SMARCC1: variants seen among roughly 807,000 people sequenced by gnomAD.
The protein encoded by SMARCC1 is SWI/SNF complex subunit SMARCC1.
A neutral mutation model predicts 147.4 loss-of-function variants in SMARCC1; 43 were observed. The ratio of observed to expected loss-of-function variants is 0.29; its 90% CI spans 0.23 to 0.38. SMARCC1 has a LOEUF of 0.38. Among genes scored for constraint, SMARCC1 ranks in the 10% least tolerant of loss-of-function variants. The probability of loss-of-function intolerance (pLI) is 1.00; values close to 1 mark genes in which losing one functional copy is unlikely to be tolerated. For missense variants in SMARCC1, 1,119 were observed against 1,381.1 expected, an observed-to-expected ratio of 0.81 and a Z score of 3.01; for synonymous variants, 495 against 484.4, an observed-to-expected ratio of 1.02 and a Z score of -0.29.
chr3:47,633,315 C>G (rs2032916779), intron 24 of SMARCC1, among the ~76,000 whole-genome samples: 1 of 152,076 alleles, frequency 6.6e-6, no homozygotes, highest in Non-Finnish European at 1.5e-5. Flanking sequence ...TGATCTAAAG[C>G]ACCATGAAGA....
At chr3:47,660,500 C>A (rs1403554756) in intron 21 of SMARCC1, among the ~76,000 whole-genome samples, 2 of 125,878 alleles carry the variant, frequency 1.6e-5, no homozygotes, top group African/African-American at 6.0e-5. Context: ...CATGAACTGA[C>A]AAATAAATAT....
At chr3:47,666,192 G>A (rs755305689) in intron 19 of SMARCC1, among the ~76,000 whole-genome samples, 1 of 152,026 alleles carries the variant, frequency 6.6e-6, no homozygotes, top group Non-Finnish European at 1.5e-5. Context: ...TTGTGCCTAT[G>A]AACCATTTGT....
chr3:47,642,136 GAAGA>G lies in SMARCC1; in HGVS notation c.2321-3360_2321-3357del, dbSNP rs1396135261. Among the ~76,000 whole-genome samples the G allele has an allele frequency of 5.9e-5, 9 of 152,166 alleles. No homozygotes were observed. In the East Asian group the frequency reaches 7.7e-4, roughly 13 times the overall value. ...CTTCATTAAAAGACTCCAAAAAAAAGAAGAAAGAAGTAGCAAAATGGAAGAAAAC... is the reference window on the plus strand; with the variant it reads ...CTTCATTAAAAGACTCCAAAAAAAAGAAGAAGTAGCAAAATGGAAGAAAAC... On this transcript the variant is annotated intron_variant, in intron 21 of 27. Coordinates refer to ENST00000254480, the MANE Select transcript of SMARCC1 (RefSeq NM_003074.4).
intron 26 of SMARCC1, among the ~76,000 whole-genome samples, chr3:47,594,949 G>T (rs1317703794): frequency 6.6e-6 from 1 of 152,200 alleles, no homozygotes. Flanking sequence ...GACTCCTGCT[G>T]CCACTCCTCT....
Position 47,710,817 on chromosome 3 carries a change from A to AT in SMARCC1, c.793-10dup. ...ATCCATTTCACATGAACCTAAAACC[A>AT]TATCAAAGCATCAATATCTACATAA... On this transcript the variant is annotated splice_polypyrimidine_tract_variant and intron_variant, in intron 8 of 27. Coordinates refer to ENST00000254480, the MANE Select transcript of SMARCC1 (RefSeq NM_003074.4). 6.3e-7 allele frequency: 1 copy of AT among 1,596,410 alleles called. No individual in the cohort carries two copies. The highest frequency in any genetic ancestry group is 1.8e-5 in the Admixed American group (1 of 56,426).
chr3:47,730,451 A>C (rs1247724315), intron 5 of SMARCC1, among the ~76,000 whole-genome samples: 16 of 152,226 alleles, frequency 1.1e-4, no homozygotes, highest in Non-Finnish European at 8.8e-5. Context: ...AGTGTACGTT[A>C]GCCTGGGCAA....
chr3:47,664,038 C>T (rs1280834000), intron 19 of SMARCC1: 3 of 623,884 alleles, frequency 4.8e-6, no homozygotes, highest in Non-Finnish European at 8.0e-6. Flanking sequence ...TTGAGAGGCC[C>T]ATGCGTCGTT....
intron 6 of SMARCC1, among the ~76,000 whole-genome samples, chr3:47,728,661 C>T (rs1287578188): frequency 1.3e-5 from 2 of 152,140 alleles, no homozygotes; most frequent in Non-Finnish European, 2.9e-5. Context: ...AAACCCAGCA[C>T]TTTGGGAGGC....
intron 3 of SMARCC1, among the ~76,000 whole-genome samples, chr3:47,742,286 A>T (rs947757359): frequency 3.3e-5 from 5 of 152,014 alleles, no homozygotes; most frequent in Non-Finnish European, 5.9e-5. Context: ...AAAAAAAAAA[A>T]CATGTAACAA....
At chr3:47,621,797 C>T (rs1459323121) in intron 25 of SMARCC1, among the ~76,000 whole-genome samples, 1 of 145,566 alleles carries the variant, frequency 6.9e-6, no homozygotes, top group Non-Finnish European at 1.5e-5. Flanking sequence ...ACCTCTGAAT[C>T]TAAAATAAAA....
chr3:47,656,483 T>C (rs1273509682), intron 21 of SMARCC1, among the ~76,000 whole-genome samples: 4 of 152,236 alleles, frequency 2.6e-5, no homozygotes, highest in African/African-American at 7.2e-5. Context: ...CCTATGGCTA[T>C]GAAGGGTAGA....
At chr3:47,614,008 A>C (rs1386889124) in intron 25 of SMARCC1, among the ~76,000 whole-genome samples, 1 of 152,150 alleles carries the variant, frequency 6.6e-6, no homozygotes, top group Non-Finnish European at 1.5e-5. Flanking sequence ...AAAGACAGTG[A>C]GGGCCACAAA....
intron 26 of SMARCC1, among the ~76,000 whole-genome samples, chr3:47,591,701 C>G (rs2032185053): frequency 6.6e-6 from 1 of 152,090 alleles, no homozygotes. Flanking sequence ...CACCACCACG[C>G]CCAGCTATTT....
chr3:47,742,978 G>GT (rs1376212189), intron 3 of SMARCC1, among the ~76,000 whole-genome samples: 7 of 152,246 alleles, frequency 4.6e-5, no homozygotes, highest in Non-Finnish European at 1.0e-4. Flanking sequence ...TTAGAGCTTC[G>GT]TGTCACTAGA....
intron 7 of SMARCC1, 35 bp from the exon 8 acceptor site, chr3:47,714,525 A>G (rs1380452167): frequency 9.6e-7 from 1 of 1,037,978 alleles, no homozygotes; most frequent in Non-Finnish European, 1.5e-6. Flanking sequence ...AACAAATTAG[A>G]GTCAAAGGTA....
chr3:47,679,080 A>C (rs915426639), intron 15 of SMARCC1, among the ~76,000 whole-genome samples: 5 of 152,184 alleles, frequency 3.3e-5, no homozygotes, highest in Admixed American at 6.5e-5. Context: ...GTCACAAAAT[A>C]TAGTACTTAA....
At chr3:47,645,710 T>A (rs2033111445) in intron 21 of SMARCC1, among the ~76,000 whole-genome samples, 1 of 152,222 alleles carries the variant, frequency 6.6e-6, no homozygotes, top group Non-Finnish European at 1.5e-5. Context: ...GCAATATGAT[T>A]TTTTGTCTCG....
chr3:47,772,920 G>A lies in SMARCC1; in HGVS notation c.212C>T (p.Ala71Val). Residue 71 changes from alanine to valine, a missense_variant, in exon 2 of 28, where the codon GCT becomes GTT. Physicochemically the swap from Ala to Val is moderately conservative, Grantham distance 64. Around this residue, in one of 6 missense-constraint regions of SMARCC1, gnomAD observed 542 missense variants for 611.8 expected, o/e 0.89. Coordinates refer to ENST00000254480, the MANE Select transcript of SMARCC1 (RefSeq NM_003074.4). ...CCCAGCCAGTGTTTTATTGGTAGGA[G>A]CATCCGCATGAACATACTGCAAGAT... ...KHYKKYVHAD[A>V]PTNKTLAGLV... The A allele has an allele frequency of 5.6e-6, 9 of 1,612,988 alleles. No homozygotes were observed. The highest frequency in any genetic ancestry group is 5.9e-6 in the Non-Finnish European group (7 of 1,179,460).
chr3:47,745,825 TACAGGATTTTCTA>T, intron 3 of SMARCC1, 70 bp downstream of exon 3: 1 of 780,082 alleles, frequency 1.3e-6, no homozygotes, highest in Non-Finnish European at 2.0e-6. Context: ...ATCATGTGCT[TACAGGATTTTCTA>T]ACACAAGGAA....
Sources: allele counts gnomAD v4.1 joint callset (sites outside exome capture counted in the v4.1 genomes callset), GRCh38; gene constraint gnomAD v4.1.1; regional missense constraint gnomAD v4.1.1; transcripts MANE v1.5; gene names NCBI Gene and HGNC (gene_info 2026-07-23, HGNC 2026-07-21).